The following ANGPT2 variants were observed in gnomAD, a reference collection of about 807,000 sequenced individuals.
The protein encoded by ANGPT2 is angiopoietin-2.
Under a neutral mutation model 62.9 loss-of-function variants are expected in ANGPT2, and 28 were observed. That is an observed-to-expected ratio of 0.44 (90% CI 0.33 to 0.61). The LOEUF is 0.61. Ranked by LOEUF, ANGPT2 falls within the 20% of genes least tolerant of loss-of-function variation. The pLI, the probability that ANGPT2 is intolerant of heterozygous loss-of-function variation, is 0.03. For synonymous variants in ANGPT2, 284 were observed against 207.8 expected, an observed-to-expected ratio of 1.37 and a Z score of -3.15; for missense variants, 727 against 594.9, an observed-to-expected ratio of 1.22 and a Z score of -2.31.
At chr8:6,542,540 G>C (rs988945522) in intron 1 of ANGPT2, among the ~76,000 whole-genome samples, 3 of 151,484 alleles carry the variant, frequency 2.0e-5, no homozygotes, top group Non-Finnish European at 4.4e-5. Context: ...CTTAAACCCT[G>C]GTCTCCCAAC....
intron 1 of ANGPT2, among the ~76,000 whole-genome samples, chr8:6,535,584 G>A (rs1820334051): frequency 6.6e-6 from 1 of 152,056 alleles, no homozygotes; most frequent in Admixed American, 6.5e-5. Context: ...TAGGTATATA[G>A]CATATATGTA....
intron 3 of ANGPT2, among the ~76,000 whole-genome samples, chr8:6,526,906 G>C (rs1200670511): frequency 6.6e-6 from 1 of 151,942 alleles, no homozygotes; most frequent in African/African-American, 2.4e-5. Context: ...TTGATCTTGA[G>C]ATTTTTCTAT....
chr8:6,546,188 A>C (rs1002175975), intron 1 of ANGPT2, among the ~76,000 whole-genome samples: 1 of 152,226 alleles, frequency 6.6e-6, no homozygotes, highest in African/African-American at 2.4e-5. Context: ...CAATTCCCAA[A>C]CTGTGTGCCA....
At chr8:6,551,364 C>T (rs770335386) in intron 1 of ANGPT2, among the ~76,000 whole-genome samples, 14 of 151,360 alleles carry the variant, frequency 9.2e-5, no homozygotes, top group Admixed American at 3.9e-4. Flanking sequence ...CTTCATGGCA[C>T]GGGACAGGCC....
intron 1 of ANGPT2, among the ~76,000 whole-genome samples, chr8:6,544,411 C>A (rs1415819089): frequency 6.6e-6 from 1 of 152,204 alleles, no homozygotes; most frequent in African/African-American, 2.4e-5. Context: ...GGGCAAATCA[C>A]TGAACTTGTA....
intron 5 of ANGPT2, among the ~76,000 whole-genome samples, chr8:6,516,914 A>G (rs1166699233): frequency 2.0e-5 from 3 of 152,200 alleles, no homozygotes; most frequent in Non-Finnish European, 4.4e-5. Flanking sequence ...GCCAGCACAT[A>G]AATGATTTGA....
intron 8 of ANGPT2, among the ~76,000 whole-genome samples, chr8:6,506,612 C>T (rs1387283024): frequency 6.6e-6 from 1 of 152,052 alleles, no homozygotes; most frequent in African/African-American, 2.4e-5. Flanking sequence ...CTGACCCTTT[C>T]CCTGCTGTTC....
intron 1 of ANGPT2, among the ~76,000 whole-genome samples, chr8:6,537,184 G>A (rs985678901): frequency 3.3e-5 from 5 of 152,136 alleles, no homozygotes; most frequent in East Asian, 1.9e-4. Flanking sequence ...TTCATGTTTC[G>A]CAGGAATGTT....
chr8:6,535,323 C>T (rs1315740470), intron 1 of ANGPT2, among the ~76,000 whole-genome samples: 1 of 152,130 alleles, frequency 6.6e-6, no homozygotes, highest in Non-Finnish European at 1.5e-5. Flanking sequence ...AAGTCAAATT[C>T]CAATTTGAAA....
At chr8:6,548,935 T>A (rs535518408) in intron 1 of ANGPT2, among the ~76,000 whole-genome samples, 1 of 152,354 alleles carries the variant, frequency 6.6e-6, no homozygotes, top group Admixed American at 6.5e-5. Context: ...TGTTAACCTC[T>A]GGTTATAACC....
At chr8:6,543,953 C>T (rs546178451) in intron 1 of ANGPT2, among the ~76,000 whole-genome samples, 2 of 152,226 alleles carry the variant, frequency 1.3e-5, no homozygotes, top group South Asian at 2.1e-4. Flanking sequence ...ATGTTTTGCA[C>T]CTTAATCTTT....
In ANGPT2 at chr8:6,514,822, T is replaced by TC. The variant is rs544718454; in HGVS notation, c.928-45dup. ...GGTATAAGTGACAGAGCCCCCCCAC[T>TC]CCCCCCTTACGTAGCAGAAGCAGGA... On this transcript the variant is annotated intron_variant, in intron 5 of 8. Coordinates refer to ENST00000629816, the MANE Select transcript of ANGPT2 (RefSeq NM_001118887.2). 5.1e-4 allele frequency: 772 copies of TC among 1,514,844 alleles called. 1 individual carries two copies. The highest frequency in any genetic ancestry group is 7.1e-4 in the Admixed American group (42 of 58,950). 93.8% of individuals were successfully genotyped at this position (1,514,844 alleles called of 1,614,324 possible).
At chr8:6,515,520 TG>T (rs1212319394) in intron 5 of ANGPT2, among the ~76,000 whole-genome samples, 1 of 152,218 alleles carries the variant, frequency 6.6e-6, no homozygotes, top group Non-Finnish European at 1.5e-5. Context: ...ACTGGCTCTG[TG>T]GGTTTAAACT....
intron 7 of ANGPT2, 76 bp from the exon 8 acceptor site, chr8:6,509,138 A>G: frequency 6.5e-7 from 1 of 1,549,396 alleles, no homozygotes; most frequent in East Asian, 2.2e-5. Flanking sequence ...TTTGTGATGA[A>G]GAATTCCATT....
At chr8:6,505,997 C>T (rs13269184) in intron 8 of ANGPT2, among the ~76,000 whole-genome samples, 11 of 132,840 alleles carry the variant, frequency 8.3e-5, no homozygotes, top group East Asian at 2.2e-4. Flanking sequence ...AAAACATATA[C>T]ATATTCTTTA....
chr8:6,526,021 A>G lies in ANGPT2; in HGVS notation c.566+1534T>C, dbSNP rs542666780. ...AAACTGGACATATCCTAGGTTTGTC[A>G]CGGACATCATTGTATAACAGGCAAG... is the stretch of plus-strand genomic sequence containing the variant. On this transcript the variant is annotated intron_variant, in intron 3 of 8. Transcript: ENST00000629816. Among the ~76,000 whole-genome samples the G allele has an allele frequency of 1.9e-3, 295 of 152,302 alleles. 2 individuals carry two copies. The highest frequency in any genetic ancestry group is 2.5e-3 in the Non-Finnish European group (169 of 68,024).
At chr8:6,548,082 C>A (rs915192839) in intron 1 of ANGPT2, among the ~76,000 whole-genome samples, 23 of 152,214 alleles carry the variant, frequency 1.5e-4, no homozygotes, top group African/African-American at 5.3e-4. Context: ...CTGAATCCCC[C>A]CTAGCGGAAG....
At position 6,501,059 on chromosome 8, in the gene ANGPT2, G is replaced by A. The variant is rs531391491; in HGVS notation, c.*2042C>T. On this transcript the variant is annotated 3_prime_UTR_variant, in exon 9 of 9. Transcript: ENST00000629816. ...CAACTTGATACAAGGCCATGATACCGTTGTTGAATTCATAAAACCTTCTTA... is the reference window on the plus strand; with the variant it reads ...CAACTTGATACAAGGCCATGATACCATTGTTGAATTCATAAAACCTTCTTA... The A allele has an allele frequency of 4.6e-5, 7 of 152,282 alleles. No individual in the cohort carries two copies. In the East Asian group the frequency reaches 7.7e-4, roughly 17 times the overall value. The allele number at this position is 152,282 out of a possible 1,614,324, so 9.4% of individuals were successfully genotyped here. A position where few individuals can be genotyped will look rare whatever the true frequency, so the allele number is the denominator to read the frequency against.
At chr8:6,517,099 A>G (rs1209967859) in intron 5 of ANGPT2, among the ~76,000 whole-genome samples, 1 of 152,244 alleles carries the variant, frequency 6.6e-6, no homozygotes, top group African/African-American at 2.4e-5. Flanking sequence ...AAATAGAGTT[A>G]TCTACCCAGC....
Sources: gnomAD v4.1 joint callset for allele counts (sites outside exome capture counted in the v4.1 genomes callset) on GRCh38, gnomAD v4.1.1 for gene constraint, MANE v1.5 for transcripts, NCBI Gene and HGNC (gene_info 2026-07-23, HGNC 2026-07-21) for gene names.